ZBTB20: variants seen among roughly 807,000 people sequenced by gnomAD.
ZBTB20 encodes zinc finger and BTB domain-containing protein 20.
ZBTB20 carries 9 observed loss-of-function variants against 56.9 expected under a neutral mutation model. The ratio of observed to expected loss-of-function variants is 0.16; its 90% CI spans 0.10 to 0.28. The LOEUF (loss-of-function observed/expected upper bound fraction) is 0.28. ZBTB20 is among the 10% of genes least tolerant of loss of function. The pLI is 1.00. For missense variants in ZBTB20, 655 were observed against 1,003.0 expected, an observed-to-expected ratio of 0.65 and a Z score of 4.69; for synonymous variants, 417 against 420.7, an observed-to-expected ratio of 0.99 and a Z score of 0.11.
At chr3:114,534,764 A>G (rs1260425547) in intron 6 of ZBTB20, among the ~76,000 whole-genome samples, 1 of 152,218 alleles carries the variant, frequency 6.6e-6, no homozygotes, top group African/African-American at 2.4e-5. Flanking sequence ...AGCAAATGTA[A>G]AAGAATGGAA....
At chr3:114,417,749 A>G (rs1020973137) in intron 7 of ZBTB20, among the ~76,000 whole-genome samples, 3 of 152,070 alleles carry the variant, frequency 2.0e-5, no homozygotes, top group African/African-American at 7.2e-5. Flanking sequence ...TTTAATGTAA[A>G]GGAAAAAAGG....
At position 114,465,956 on chromosome 3, in the gene ZBTB20, C is replaced by T. The variant is rs16822754; in HGVS notation, c.-255+34396G>A. Among the ~76,000 whole-genome samples, 835 of 152,056 alleles carry T rather than the reference C, an allele frequency of 5.5e-3. 32 individuals carry two copies. The highest frequency in any genetic ancestry group is 0.051 in the Admixed American group (785 of 15,274). On this transcript the variant is annotated intron_variant, in intron 7 of 11. Coordinates refer to ENST00000675478, the MANE Select transcript of ZBTB20 (RefSeq NM_001348800.3). ...CTCTGAGTATCCAGGATTTCCTTTG[C>T]GACAATAATTAACAAATACATGTAT...
intron 11 of ZBTB20, among the ~76,000 whole-genome samples, chr3:114,344,611 T>C (rs1255683732): frequency 6.6e-6 from 1 of 152,212 alleles, no homozygotes; most frequent in Non-Finnish European, 1.5e-5. Flanking sequence ...AACTGAGGCT[T>C]AGGTCAGTTA....
At chr3:115,144,047 T>A (rs1326367085) in intron 1 of ZBTB20, among the ~76,000 whole-genome samples, 1 of 152,182 alleles carries the variant, frequency 6.6e-6, no homozygotes, top group African/African-American at 2.4e-5. Flanking sequence ...ATTATTACAC[T>A]CCAAGTGTCT....
chr3:114,866,715 C>G (rs2075778662), intron 4 of ZBTB20, among the ~76,000 whole-genome samples: 1 of 151,446 alleles, frequency 6.6e-6, no homozygotes, highest in African/African-American at 2.4e-5. Flanking sequence ...TGGAACATTC[C>G]TTTTTTTTTC....
At chr3:114,611,759 A>T (rs540596137) in intron 6 of ZBTB20, among the ~76,000 whole-genome samples, 1 of 152,184 alleles carries the variant, frequency 6.6e-6, no homozygotes, top group South Asian at 2.1e-4. Context: ...AATTATTGTC[A>T]TTGCCCCTCA....
At chr3:114,390,231 T>A (rs149193043) in intron 7 of ZBTB20, among the ~76,000 whole-genome samples, 3 of 152,200 alleles carry the variant, frequency 2.0e-5, no homozygotes, top group Non-Finnish European at 2.9e-5. Context: ...CCATATATCA[T>A]GGATGACCTC....
At chr3:115,018,804 T>G (rs1265262573) in intron 2 of ZBTB20, among the ~76,000 whole-genome samples, 1 of 151,446 alleles carries the variant, frequency 6.6e-6, no homozygotes, top group East Asian at 1.9e-4. Flanking sequence ...GCAGTCTGCT[T>G]TAATAGCTTG....
intron 5 of ZBTB20, among the ~76,000 whole-genome samples, chr3:114,742,516 A>G (rs1300470857): frequency 6.6e-6 from 1 of 152,206 alleles, no homozygotes; most frequent in Non-Finnish European, 1.5e-5. Context: ...GATGTCAAAC[A>G]TTTAAATGTA....
At chr3:114,380,666 A>G in intron 9 of ZBTB20, 111 bp downstream of exon 9, 1 of 1,402,296 alleles carries the variant, frequency 7.1e-7, no homozygotes, top group South Asian at 1.6e-5. Context: ...ACCCTGTCCC[A>G]GAACTTTAGA....
intron 6 of ZBTB20, among the ~76,000 whole-genome samples, chr3:114,552,183 G>A (rs1022556304): frequency 1.3e-5 from 2 of 152,182 alleles, no homozygotes; most frequent in African/African-American, 2.4e-5. Context: ...TTGCACTCCA[G>A]CCTGGGTGAC....
chr3:115,010,901 A>T (rs571861349), intron 2 of ZBTB20, among the ~76,000 whole-genome samples: 72 of 152,102 alleles, frequency 4.7e-4, no homozygotes, highest in African/African-American at 1.6e-3. Context: ...ATTTCAAGAT[A>T]ACACAGAGAA....
chr3:114,595,452 G>C (rs1002919760), intron 6 of ZBTB20, among the ~76,000 whole-genome samples: 3 of 152,096 alleles, frequency 2.0e-5, no homozygotes, highest in African/African-American at 7.2e-5. Context: ...AAAATCTATG[G>C]TATATAGCAG....
intron 6 of ZBTB20, among the ~76,000 whole-genome samples, chr3:114,586,408 C>T (rs1256395410): frequency 1.3e-5 from 2 of 152,164 alleles, no homozygotes; most frequent in Admixed American, 6.5e-5. Context: ...ATATCAAGGC[C>T]ATATGCTTCA....
At chr3:114,484,570 A>G (rs1204060389) in intron 7 of ZBTB20, among the ~76,000 whole-genome samples, 1 of 152,216 alleles carries the variant, frequency 6.6e-6, no homozygotes, top group African/African-American at 2.4e-5. Context: ...CATTACTGAT[A>G]CATACATTAA....
intron 1 of ZBTB20, among the ~76,000 whole-genome samples, chr3:115,129,053 T>C (rs966391189): frequency 2.6e-5 from 4 of 151,810 alleles, no homozygotes; most frequent in African/African-American, 9.7e-5. Flanking sequence ...GAGCCGAGAT[T>C]GCACCACTGC....
At chr3:114,521,065 A>C (rs907105014) in intron 6 of ZBTB20, among the ~76,000 whole-genome samples, 8 of 152,182 alleles carry the variant, frequency 5.3e-5, no homozygotes, top group Non-Finnish European at 1.0e-4. Flanking sequence ...TAAACTTACA[A>C]ATTTTAAAAG....
At chr3:114,990,475 C>A (rs1216177198) in intron 2 of ZBTB20, among the ~76,000 whole-genome samples, 2 of 152,102 alleles carry the variant, frequency 1.3e-5, no homozygotes, top group Admixed American at 1.3e-4. Context: ...GGTGGATAAG[C>A]TTTTTGATGT....
At chr3:114,373,016 A>C (rs1301241798) in intron 10 of ZBTB20, among the ~76,000 whole-genome samples, 1 of 151,988 alleles carries the variant, frequency 6.6e-6, no homozygotes, top group Non-Finnish European at 1.5e-5. Flanking sequence ...TCCTGGGTTC[A>C]AGCGATTCTC....
Sources: allele counts gnomAD v4.1 joint callset (sites outside exome capture counted in the v4.1 genomes callset), GRCh38; gene constraint gnomAD v4.1.1; transcripts MANE v1.5; gene names NCBI Gene and HGNC (gene_info 2026-07-23, HGNC 2026-07-21).